The following SLC17A1 variants were observed in gnomAD, a reference collection of about 807,000 sequenced individuals.
SLC17A1 encodes solute carrier family 17 member 1.
A neutral mutation model predicts 53.5 loss-of-function variants in SLC17A1; 51 were observed. The observed-to-expected ratio is 0.95, with a 90% CI of 0.76 to 1.20. SLC17A1 has a LOEUF of 1.20. SLC17A1 is among the 50% of genes most tolerant of loss of function. The pLI, the probability that SLC17A1 is intolerant of heterozygous loss-of-function variation, is 0.00. For synonymous variants in SLC17A1, 179 were observed against 198.8 expected, an observed-to-expected ratio of 0.90 and a Z score of 0.84; for missense variants, 538 against 568.2, an observed-to-expected ratio of 0.95 and a Z score of 0.54.
chr6:25,760,636 A>G, the SLC17A1 span, among the ~76,000 whole-genome samples: 2 of 152,100 alleles, frequency 1.3e-5, no homozygotes, highest in African/African-American at 4.8e-5. Context: ...TCCATTTTCC[A>G]GGTTCTTAAC....
chr6:25,744,130 G>A, the SLC17A1 span, among the ~76,000 whole-genome samples: 1 of 152,172 alleles, frequency 6.6e-6, no homozygotes, highest in Admixed American at 6.5e-5. Context: ...ACATACAGTG[G>A]GGAGATATGA....
intron 12 of SLC17A1, among the ~76,000 whole-genome samples, chr6:25,785,469 G>C (rs1041857957): frequency 3.3e-5 from 5 of 152,002 alleles, no homozygotes; most frequent in Admixed American, 1.3e-4. Flanking sequence ...AGATAAATTA[G>C]ACTTCATAAA....
At chr6:25,813,430 A>G (rs1764231407) in intron 6 of SLC17A1, among the ~76,000 whole-genome samples, 1 of 151,978 alleles carries the variant, frequency 6.6e-6, no homozygotes, top group Non-Finnish European at 1.5e-5. Flanking sequence ...CTGATCTCCT[A>G]TCCTCTGCTC....
chr6:25,805,105 A>G (rs947841615), intron 10 of SLC17A1, among the ~76,000 whole-genome samples: 1 of 152,118 alleles, frequency 6.6e-6, no homozygotes, highest in African/African-American at 2.4e-5. Flanking sequence ...CACATGAAAC[A>G]TTATCCAAGA....
At chr6:25,761,883 A>T in the SLC17A1 span, 523 of 1,183,428 alleles carry the variant, frequency 4.4e-4, 3 homozygotes, top group African/African-American at 7.0e-3. Flanking sequence ...GTAATATCAT[A>T]TAAGATTCTC....
the SLC17A1 span, chr6:25,727,084 A>G: frequency 2.5e-6 from 4 of 1,614,244 alleles, no homozygotes; most frequent in Non-Finnish European, 3.4e-6. Context: ...ATCTCTTCGA[A>G]AGCTATGAGC....
the SLC17A1 span, among the ~76,000 whole-genome samples, chr6:25,735,649 T>C: frequency 1.3e-5 from 2 of 152,136 alleles, no homozygotes; most frequent in African/African-American, 2.4e-5. Context: ...AACATGTACA[T>C]ACCAAGAGCT....
chr6:25,742,418 G>A, the SLC17A1 span, among the ~76,000 whole-genome samples: 1 of 151,594 alleles, frequency 6.6e-6, no homozygotes, highest in South Asian at 2.1e-4. Flanking sequence ...CCATCATTTA[G>A]AGAGGTCAAG....
chr6:25,816,645 A>G (rs569984979), intron 6 of SLC17A1, among the ~76,000 whole-genome samples: 1 of 152,358 alleles, frequency 6.6e-6, no homozygotes, highest in South Asian at 2.1e-4. Flanking sequence ...TGCCACATAC[A>G]CTAGTCAGAT....
intron 12 of SLC17A1, among the ~76,000 whole-genome samples, chr6:25,783,544 G>T (rs904572799): frequency 2.0e-4 from 30 of 152,122 alleles, no homozygotes; most frequent in African/African-American, 7.0e-4. Flanking sequence ...CCATCCATCA[G>T]TTGCTCTATA....
chr6:25,740,447 A>T, the SLC17A1 span, among the ~76,000 whole-genome samples: 1 of 152,182 alleles, frequency 6.6e-6, no homozygotes, highest in South Asian at 2.1e-4. Context: ...TATTTGTTGT[A>T]TTACAACAGT....
rs1318194007 is a variant in SLC17A1 at position 25,783,059 on chromosome 6, G to C, written c.*162C>G. On this transcript the variant is annotated 3_prime_UTR_variant, in exon 13 of 13. Coordinates refer to ENST00000244527, the MANE Select transcript of SLC17A1 (RefSeq NM_005074.5). ...CAAACAACACATGTTAAAAAACGAT[G>C]CACACAGGATATGTGGGAGGGTAAA... 6.6e-6 allele frequency: 1 copy of C among 152,142 alleles called. No homozygotes were observed. The highest frequency in any genetic ancestry group is 2.4e-5 in the African/African-American group (1 of 41,422). 9.4% of individuals were successfully genotyped at this position (152,142 alleles called of 1,614,324 possible). A position where few individuals can be genotyped will look rare whatever the true frequency, so the allele number is the denominator to read the frequency against.
chr6:25,801,955 A>C (rs142647784), intron 10 of SLC17A1, among the ~76,000 whole-genome samples: 1 of 152,068 alleles, frequency 6.6e-6, no homozygotes, highest in African/African-American at 2.4e-5. Context: ...TATGGTTATG[A>C]ACATCCACAG....
chr6:25,778,895 G>A (rs1763157078), downstream of SLC17A1, among the ~76,000 whole-genome samples: 1 of 152,190 alleles, frequency 6.6e-6, no homozygotes, highest in Admixed American at 6.5e-5. Flanking sequence ...TGGACTCATG[G>A]CAGAAATGTA....
At chr6:25,726,932 T>G in the SLC17A1 span, 3 of 1,613,546 alleles carry the variant, frequency 1.9e-6, no homozygotes, top group Non-Finnish European at 2.5e-6. Flanking sequence ...CATCTAAAGG[T>G]GCTACCATTT....
intron 10 of SLC17A1, among the ~76,000 whole-genome samples, chr6:25,809,143 A>T (rs368425045): frequency 6.6e-6 from 1 of 152,032 alleles, no homozygotes; most frequent in Non-Finnish European, 1.5e-5. Context: ...GAAACAACTC[A>T]GAAACAGAAA....
chr6:25,740,144 C>A, the SLC17A1 span, among the ~76,000 whole-genome samples: 1 of 151,996 alleles, frequency 6.6e-6, no homozygotes, highest in Non-Finnish European at 1.5e-5. Context: ...CTAGGGAAAA[C>A]AAAGCCAGAG....
the SLC17A1 span, chr6:25,771,114 C>T: frequency 1.0e-6 from 1 of 972,400 alleles, no homozygotes; most frequent in Non-Finnish European, 1.6e-6. Context: ...ATTTACATAG[C>T]TAAAGCTGGT....
chr6:25,807,763 A>G (rs1265223744), intron 10 of SLC17A1, among the ~76,000 whole-genome samples: 2 of 152,074 alleles, frequency 1.3e-5, no homozygotes, highest in Non-Finnish European at 2.9e-5. Context: ...AATGGTCTCC[A>G]ACTTCATCCA....
Sources: gnomAD v4.1 joint callset for allele counts (sites outside exome capture counted in the v4.1 genomes callset) on GRCh38, gnomAD v4.1.1 for gene constraint, MANE v1.5 for transcripts, NCBI Gene and HGNC (gene_info 2026-07-23, HGNC 2026-07-21) for gene names.